Variants in B4GALT1 observed in about 807,000 individuals in gnomAD.
B4GALT1 encodes the protein beta-1,4-galactosyltransferase 1.
B4GALT1 carries 16 observed loss-of-function variants against 34.9 expected under a neutral mutation model. That is an observed-to-expected ratio of 0.46 (90% CI 0.31 to 0.70). B4GALT1 has a LOEUF of 0.70. Among genes scored for constraint, B4GALT1 ranks in the 30% least tolerant of loss-of-function variants. The pLI is 0.05. For missense variants in B4GALT1, 445 were observed against 530.5 expected, an observed-to-expected ratio of 0.84 and a Z score of 1.58; for synonymous variants, 221 against 218.1, an observed-to-expected ratio of 1.01 and a Z score of -0.12.
the B4GALT1 span, among the ~76,000 whole-genome samples, chr9:33,174,799 A>C: frequency 6.8e-6 from 1 of 146,192 alleles, no homozygotes; most frequent in African/African-American, 2.5e-5. Flanking sequence ...TCTAGTAAAA[A>C]TACAAAAATT....
the B4GALT1 span, among the ~76,000 whole-genome samples, chr9:33,175,763 C>T: frequency 5.9e-5 from 9 of 152,184 alleles, no homozygotes; most frequent in Non-Finnish European, 1.0e-4. Flanking sequence ...ACCATATAAC[C>T]TAGATGTGTA....
At chr9:33,150,951 G>A (rs2118245872) in intron 1 of B4GALT1, among the ~76,000 whole-genome samples, 1 of 151,212 alleles carries the variant, frequency 6.6e-6, no homozygotes, top group Non-Finnish European at 1.5e-5. Context: ...GCCATGAAAG[G>A]AAGCTTGATG....
chr9:33,114,244 C>A (rs538349351), intron 4 of B4GALT1, among the ~76,000 whole-genome samples: 37 of 152,328 alleles, frequency 2.4e-4, no homozygotes, highest in Non-Finnish European at 5.0e-4. Context: ...AGTTTGTAAC[C>A]TCTGCTGGAG....
chr9:33,164,854 C>G (rs1451389443), intron 1 of B4GALT1, among the ~76,000 whole-genome samples: 1 of 152,170 alleles, frequency 6.6e-6, no homozygotes, highest in Non-Finnish European at 1.5e-5. Flanking sequence ...TCTCTCTCCC[C>G]CTTCACTCTG....
chr9:33,130,557 T>A lies in B4GALT1; in HGVS notation c.648+4632A>T, dbSNP rs1398651142. ...CCTCTCCCGGCTCATTCCTTCAATA[T>A]CCTTATTTTAAGATATAAGTTAGTA... is the stretch of plus-strand genomic sequence containing the variant. On this transcript the variant is annotated intron_variant, in intron 2 of 5. Transcript: ENST00000379731. Among the ~76,000 whole-genome samples the A allele has an allele frequency of 1.3e-5, 2 of 150,584 alleles. 1 individual carries two copies. Among genetic ancestry groups the A allele is most frequent in the Non-Finnish European group, 2.9e-5 (2 of 67,858 alleles).
intron 5 of B4GALT1, 54 bp from the exon 6 acceptor site, chr9:33,113,640 AATC>A (rs1839897357): frequency 6.2e-7 from 1 of 1,612,890 alleles, no homozygotes; most frequent in Admixed American, 1.7e-5. Flanking sequence ...CTTAAGAAGA[AATC>A]ATCACACGTA....
In B4GALT1 at chr9:33,135,245, A is replaced by T. The variant is rs765584377; in HGVS notation, c.592T>A (p.Leu198Met). Residue 198 changes from leucine to methionine, a missense_variant, in exon 2 of 6, where the codon TTG (leucine) becomes ATG (methionine). Physicochemically the swap from Leu to Met is conservative, Grantham distance 15 (BLOSUM62 2). Around this residue, in one of 3 missense-constraint regions of B4GALT1, gnomAD observed 349 missense variants for 395.5 expected, o/e 0.88. Coordinates refer to ENST00000379731, the MANE Select transcript of B4GALT1 (RefSeq NM_001497.4). The stretch of plus-strand genomic sequence containing the variant: ...TGCTGGCGCTGCAGGACTGGGTGCA[A>T]ATAATATAGCCAGTACTTGAGGTGC... ...QEHLKYWLYYLHPVLQRQQLD... is the reference protein window; with the variant it reads ...QEHLKYWLYYMHPVLQRQQLD... 1.2e-6 allele frequency: 2 copies of T among 1,614,034 alleles called. No homozygotes were observed. The highest frequency in any genetic ancestry group is 2.7e-5 in the African/African-American group (2 of 74,892).
At chr9:33,168,744 C>A (rs567702527), upstream of B4GALT1, among the ~76,000 whole-genome samples, 1 of 152,196 alleles carries the variant, frequency 6.6e-6, no homozygotes, top group African/African-American at 2.4e-5. Context: ...CTTACTGCCT[C>A]GGAATGATTT....
At chr9:33,171,043 G>A (rs376952824), upstream of B4GALT1, among the ~76,000 whole-genome samples, 1 of 152,198 alleles carries the variant, frequency 6.6e-6, no homozygotes, top group East Asian at 1.9e-4. Flanking sequence ...TTCTGCACCT[G>A]CCAGGTTACA....
Position 33,167,185 on chromosome 9 carries a change from T to C in B4GALT1, c.-16A>G, listed in dbSNP as rs549679262. The C allele has an allele frequency of 5.0e-5, 80 of 1,591,840 alleles. No individual in the cohort carries two copies. In the South Asian group the frequency reaches 8.3e-4, roughly 17 times the overall value. Reference sequence around the variant, plus strand: ...GAAGCCTCATCTTCCCGCCGCCGCTTTAAGAAGGGTGTGGGCTACAGGAGG... The same window carrying C: ...GAAGCCTCATCTTCCCGCCGCCGCTCTAAGAAGGGTGTGGGCTACAGGAGG... On this transcript the variant is annotated 5_prime_UTR_variant, in exon 1 of 6. Coordinates refer to ENST00000379731, the MANE Select transcript of B4GALT1 (RefSeq NM_001497.4).
intron 1 of B4GALT1, among the ~76,000 whole-genome samples, chr9:33,142,038 A>G (rs1355153100): frequency 1.3e-5 from 2 of 151,876 alleles, no homozygotes; most frequent in African/African-American, 4.8e-5. Context: ...GCTAGAATGC[A>G]GTGGCACAAT....
At chr9:33,169,988 G>A (rs892570492), upstream of B4GALT1, among the ~76,000 whole-genome samples, 1 of 32,462 alleles carries the variant, frequency 3.1e-5, no homozygotes, top group Non-Finnish European at 6.2e-5. Flanking sequence ...TTTTTTTTTT[G>A]AGACGGAGTC....
chr9:33,115,372 AG>A (rs1049696700), intron 4 of B4GALT1, among the ~76,000 whole-genome samples: 56 of 152,370 alleles, frequency 3.7e-4, no homozygotes, highest in Admixed American at 1.6e-3. Flanking sequence ...CTCTACAGCC[AG>A]AGGACTGAGC....
At position 33,129,126 on chromosome 9, in the gene B4GALT1, C is replaced by A. The variant is rs375882999; in HGVS notation, c.648+6063G>T. ...CTGCTTCCTGGCCATCGTGTGCTTA[C>A]CTGTGGAGCCTTCCCTCTGCAGGAA... On this transcript the variant is annotated intron_variant, in intron 2 of 5. Coordinates refer to ENST00000379731, the MANE Select transcript of B4GALT1 (RefSeq NM_001497.4). Among the ~76,000 whole-genome samples the A allele has an allele frequency of 1.6e-3, 239 of 152,252 alleles. 1 individual carries two copies. Among genetic ancestry groups the A allele is most frequent in the African/African-American group, 5.5e-3 (228 of 41,532 alleles).
rs76945433 is a variant in B4GALT1, at chr9:33,110,914, C to T, written c.*2540G>A. ...GCATCTCCTTTACTGTCCTGTGCCACCTCTGCCCTCTCTGATCTTTCCCAA... is the reference window on the plus strand; with the variant it reads ...GCATCTCCTTTACTGTCCTGTGCCATCTCTGCCCTCTCTGATCTTTCCCAA... On this transcript the variant is annotated 3_prime_UTR_variant, in exon 6 of 6. Coordinates refer to ENST00000379731, the MANE Select transcript of B4GALT1 (RefSeq NM_001497.4). The T allele has an allele frequency of 3.0e-4, 45 of 152,378 alleles. No individual in the cohort carries two copies. Among genetic ancestry groups the T allele is most frequent in the African/African-American group, 1.1e-3 (44 of 41,564 alleles). The allele number at this position is 152,378 out of a possible 1,614,324, so 9.4% of individuals were successfully genotyped here.
chr9:33,166,232 G>A (rs1169407505), intron 1 of B4GALT1, among the ~76,000 whole-genome samples: 1 of 152,144 alleles, frequency 6.6e-6, no homozygotes, highest in African/African-American at 2.4e-5. Flanking sequence ...TCCCAGAAGA[G>A]AAATATGAGG....
At chr9:33,157,063 TACACACACACACACACACACACAC>T (rs371027641) in intron 1 of B4GALT1, among the ~76,000 whole-genome samples, 10 of 87,306 alleles carry the variant, frequency 1.1e-4, no homozygotes, top group Non-Finnish European at 2.0e-4. Flanking sequence ...CATAGGGAAC[TACACACACACACACACACACACAC>T]ACACACACAC....
At chr9:33,125,040 AT>A (rs1188571123) in intron 2 of B4GALT1, among the ~76,000 whole-genome samples, 2 of 152,208 alleles carry the variant, frequency 1.3e-5, no homozygotes, top group African/African-American at 4.8e-5. Flanking sequence ...AGTTACAGTT[AT>A]CCCTTCCTTC....
chr9:33,135,419 G>A lies in B4GALT1; in HGVS notation c.418C>T (p.Pro140Ser). 1 of 1,614,046 alleles carries A rather than the reference G, an allele frequency of 6.2e-7. No homozygotes were observed. Among genetic ancestry groups the A allele is most frequent in the Non-Finnish European group, 8.5e-7 (1 of 1,179,988 alleles). The change falls in exon 2 of 6, where the codon CCC (proline) becomes TCC (serine). Residue 140 changes from proline (P) to serine (S), a missense_variant. Around this residue, in one of 3 missense-constraint regions of B4GALT1, gnomAD observed 349 missense variants for 395.5 expected, o/e 0.88. Coordinates refer to ENST00000379731, the MANE Select transcript of B4GALT1 (RefSeq NM_001497.4). The stretch of plus-strand genomic sequence containing the variant: ...GGCATGTTAAACTCAATCAGCATGG[G>A]GCCCACTAGAGAGGTGGAGGGAGGG... ...CPEESPLLVG[P>S]MLIEFNMPVD...
Sources: gnomAD v4.1 joint callset for allele counts (sites outside exome capture counted in the v4.1 genomes callset) on GRCh38, gnomAD v4.1.1 for gene constraint, gnomAD v4.1.1 regional missense constraint, MANE v1.5 for transcripts, NCBI Gene and HGNC (gene_info 2026-07-23, HGNC 2026-07-21) for gene names.